The following PPP2R3A variants were observed in gnomAD, a reference collection of about 807,000 sequenced individuals.
The protein encoded by PPP2R3A is serine/threonine-protein phosphatase 2A regulatory subunit B'' subunit alpha.
PPP2R3A carries 80 observed loss-of-function variants against 106.9 expected under a neutral mutation model. The ratio of observed to expected loss-of-function variants is 0.75; its 90% CI spans 0.62 to 0.90. The LOEUF is 0.90. Among genes scored for constraint, PPP2R3A ranks in the 40% least tolerant of loss-of-function variants. The pLI, the probability that PPP2R3A is intolerant of heterozygous loss-of-function variation, is 0.00. For missense variants in PPP2R3A, 1,386 were observed against 1,350.4 expected, an observed-to-expected ratio of 1.03 and a Z score of -0.41; for synonymous variants, 483 against 468.3, an observed-to-expected ratio of 1.03 and a Z score of -0.41.
At chr3:136,093,889 A>G (rs1373118763) in intron 10 of PPP2R3A, among the ~76,000 whole-genome samples, 4 of 152,236 alleles carry the variant, frequency 2.6e-5, no homozygotes, top group Non-Finnish European at 4.4e-5. Context: ...CTCCTTAGGT[A>G]TATACTCAAG....
intron 13 of PPP2R3A, among the ~76,000 whole-genome samples, chr3:136,112,495 C>T (rs1201511814): frequency 6.6e-6 from 1 of 152,116 alleles, no homozygotes; most frequent in Non-Finnish European, 1.5e-5. Flanking sequence ...ACACCAACAG[C>T]ATTCAAGCTG....
At chr3:136,088,312 C>T (rs796886874) in intron 9 of PPP2R3A, among the ~76,000 whole-genome samples, 1 of 152,134 alleles carries the variant, frequency 6.6e-6, no homozygotes, top group African/African-American at 2.4e-5. Context: ...CATGTGTACT[C>T]AGTATTAGCT....
intron 3 of PPP2R3A, among the ~76,000 whole-genome samples, chr3:136,034,972 A>G (rs1039970103): frequency 6.6e-6 from 1 of 152,174 alleles, no homozygotes; most frequent in Non-Finnish European, 1.5e-5. Flanking sequence ...ATCATTATGT[A>G]ATGTCCCTCT....
At position 135,976,376 on chromosome 3, in the gene PPP2R3A, G is replaced by T. The variant is rs564154417; in HGVS notation, c.-441+10527G>T. On this transcript the variant is annotated intron_variant, in intron 1 of 13. Coordinates refer to ENST00000264977, the MANE Select transcript of PPP2R3A (RefSeq NM_002718.5). ...ATAAACCATCAGGACCGTCATGGTA[G>T]GTCAGTGAGCCAAAAAGGCTGGCTC... Among the ~76,000 whole-genome samples the T allele has an allele frequency of 9.5e-4, 144 of 152,320 alleles. 1 individual carries two copies. The highest frequency in any genetic ancestry group is 3.3e-3 in the African/African-American group (136 of 41,568).
At chr3:136,079,364 A>C (rs1936705366) in intron 7 of PPP2R3A, 1 of 214,054 alleles carries the variant, frequency 4.7e-6, no homozygotes, top group African/African-American at 2.3e-5. Flanking sequence ...TTCCTGAAGC[A>C]CATTATAGGT....
chr3:135,983,572 G>C (rs890906254), intron 1 of PPP2R3A, among the ~76,000 whole-genome samples: 1 of 151,968 alleles, frequency 6.6e-6, no homozygotes, highest in Admixed American at 6.6e-5. Context: ...CAAATCCTAC[G>C]TTTTACTCTT....
intron 2 of PPP2R3A, among the ~76,000 whole-genome samples, chr3:136,013,302 G>C (rs1934155626): frequency 6.6e-6 from 1 of 152,040 alleles, no homozygotes; most frequent in Non-Finnish European, 1.5e-5. Flanking sequence ...TGCAAATTGT[G>C]CTGCTATAAA....
chr3:136,103,418 C>A, intron 12 of PPP2R3A, 42 bp downstream of exon 12: 1 of 1,387,132 alleles, frequency 7.2e-7, no homozygotes, highest in Non-Finnish European at 1.0e-6. Flanking sequence ...GCTGCAGTGT[C>A]AGGGGCTGTG....
chr3:136,053,088 A>G (rs1240843786), intron 5 of PPP2R3A, among the ~76,000 whole-genome samples: 3 of 152,328 alleles, frequency 2.0e-5, no homozygotes, highest in Non-Finnish European at 4.4e-5. Flanking sequence ...GTGAGAACTT[A>G]TGAAAACAAA....
intron 1 of PPP2R3A, among the ~76,000 whole-genome samples, chr3:135,975,119 T>C (rs1364491433): frequency 1.3e-5 from 2 of 152,172 alleles, no homozygotes; most frequent in Admixed American, 6.5e-5. Flanking sequence ...ATTCTTCTAG[T>C]AGAAGGTTGA....
chr3:136,081,086 C>T (rs1012228678), intron 7 of PPP2R3A, among the ~76,000 whole-genome samples: 3 of 152,060 alleles, frequency 2.0e-5, no homozygotes, highest in Admixed American at 6.5e-5. Context: ...CTCTGCCTCC[C>T]GGTTTCAAGC....
At chr3:135,970,324 C>G (rs949352210) in intron 1 of PPP2R3A, among the ~76,000 whole-genome samples, 2 of 152,180 alleles carry the variant, frequency 1.3e-5, no homozygotes, top group Non-Finnish European at 2.9e-5. Context: ...TGAATGCGCT[C>G]TACCATGTTT....
chr3:136,072,094 T>C (rs1936451077), intron 6 of PPP2R3A, among the ~76,000 whole-genome samples: 1 of 152,144 alleles, frequency 6.6e-6, no homozygotes, highest in Non-Finnish European at 1.5e-5. Flanking sequence ...TGTTTGTCCA[T>C]CTCCTATCAT....
At chr3:135,985,930 G>A (rs924904519) in intron 1 of PPP2R3A, among the ~76,000 whole-genome samples, 3 of 152,154 alleles carry the variant, frequency 2.0e-5, no homozygotes, top group Admixed American at 2.0e-4. Context: ...TGACTTTGGG[G>A]AGCCATAAAT....
intron 3 of PPP2R3A, among the ~76,000 whole-genome samples, chr3:136,032,150 A>G (rs1356311951): frequency 6.6e-6 from 1 of 152,204 alleles, no homozygotes; most frequent in African/African-American, 2.4e-5. Context: ...ATCCATGAGC[A>G]TGGGATGTGT....
chr3:136,004,581 A>G (rs753586741), intron 2 of PPP2R3A, among the ~76,000 whole-genome samples: 3 of 152,238 alleles, frequency 2.0e-5, no homozygotes, highest in East Asian at 1.9e-4. Context: ...TGAATGAGCT[A>G]TATGTATCAA....
intron 1 of PPP2R3A, among the ~76,000 whole-genome samples, chr3:135,971,715 T>A (rs2107746371): frequency 6.6e-6 from 1 of 152,332 alleles, no homozygotes; most frequent in African/African-American, 2.4e-5. Context: ...TGGTCCAAGA[T>A]GGTTTGTAAT....
At chr3:136,042,346 G>A (rs1935316521) in intron 4 of PPP2R3A, among the ~76,000 whole-genome samples, 1 of 152,084 alleles carries the variant, frequency 6.6e-6, no homozygotes, top group Admixed American at 6.6e-5. Context: ...GTTGGGGTGG[G>A]GTGAGGGAAG....
chr3:136,122,830 A>G (rs867776762), intron 13 of PPP2R3A, among the ~76,000 whole-genome samples: 2 of 152,182 alleles, frequency 1.3e-5, no homozygotes, highest in Non-Finnish European at 2.9e-5. Context: ...TCAGAAGTAA[A>G]TGGGTGTTAT....
Sources: allele counts gnomAD v4.1 joint callset (sites outside exome capture counted in the v4.1 genomes callset), GRCh38; gene constraint gnomAD v4.1.1; transcripts MANE v1.5; gene names NCBI Gene and HGNC (gene_info 2026-07-23, HGNC 2026-07-21).